The following OSBPL8 variants were observed in gnomAD, a reference collection of about 807,000 sequenced individuals.
The protein encoded by OSBPL8 is oxysterol-binding protein-related protein 8.
A neutral mutation model predicts 125.5 loss-of-function variants in OSBPL8; 59 were observed. That is an observed-to-expected ratio of 0.47 (90% CI 0.38 to 0.58). OSBPL8 has a LOEUF of 0.58. Among genes scored for constraint, OSBPL8 ranks in the 20% least tolerant of loss-of-function variants. OSBPL8 has a pLI of 0.00. For missense variants in OSBPL8, 758 were observed against 1,047.8 expected (o/e 0.72, Z 3.82); for synonymous variants, 330 against 338.9 (o/e 0.97, Z 0.29).
intron 4 of OSBPL8, among the ~76,000 whole-genome samples, chr12:76,439,059 G>A (rs1218297993): frequency 6.6e-6 from 1 of 152,156 alleles, no homozygotes; most frequent in African/African-American, 2.4e-5. Flanking sequence ...ACAGGGGGAG[G>A]TGGAGAGATT....
In OSBPL8 at chr12:76,441,141, ATCAT is replaced by A. The variant is rs202063919; in HGVS notation, c.217+9706_217+9709del. Among the ~76,000 whole-genome samples, 493 of 152,260 alleles carry A rather than the reference ATCAT, an allele frequency of 3.2e-3. 7 individuals carry two copies. Among genetic ancestry groups the A allele is most frequent in the African/African-American group, 0.011 (449 of 41,554 alleles). ...ACTCATGTGGGCAGGAGCTGCGAAA[ATCAT>A]CTTTGCACTTGCTTTCTACTACAGG... On this transcript the variant is annotated intron_variant, in intron 4 of 23. Coordinates refer to ENST00000261183, the MANE Select transcript of OSBPL8 (RefSeq NM_020841.5).
chr12:76,528,830 G>C (rs1370478005), intron 1 of OSBPL8, among the ~76,000 whole-genome samples: 2 of 152,028 alleles, frequency 1.3e-5, no homozygotes, highest in South Asian at 2.1e-4. Flanking sequence ...CTGCAGCCTG[G>C]ACAACAGAGG....
chr12:76,438,811 G>T (rs1238320837), intron 4 of OSBPL8, among the ~76,000 whole-genome samples: 1 of 152,096 alleles, frequency 6.6e-6, no homozygotes, highest in Admixed American at 6.5e-5. Context: ...TGCACTCCTG[G>T]AACAACCCTG....
At chr12:76,504,001 T>C (rs1479208520) in intron 1 of OSBPL8, among the ~76,000 whole-genome samples, 3 of 151,288 alleles carry the variant, frequency 2.0e-5, no homozygotes, top group Non-Finnish European at 4.4e-5. Flanking sequence ...TTTTTTTAGA[T>C]GTGTTTAACA....
At chr12:76,448,919 A>T (rs1412935310) in intron 4 of OSBPL8, among the ~76,000 whole-genome samples, 1 of 152,182 alleles carries the variant, frequency 6.6e-6, no homozygotes, top group African/African-American at 2.4e-5. Flanking sequence ...AGGCTGAGGC[A>T]GGAGAATCGC....
intron 2 of OSBPL8, among the ~76,000 whole-genome samples, chr12:76,477,660 G>A (rs1183275411): frequency 1.3e-5 from 2 of 152,030 alleles, no homozygotes; most frequent in African/African-American, 2.4e-5. Flanking sequence ...AGGACATTAC[G>A]TAAAAACTAA....
chr12:76,513,555 T>C (rs1243202628), intron 1 of OSBPL8, among the ~76,000 whole-genome samples: 1 of 151,974 alleles, frequency 6.6e-6, no homozygotes, highest in Admixed American at 6.6e-5. Flanking sequence ...CGTGCGGGAG[T>C]TTACATCTTT....
At chr12:76,363,354 C>T (rs1463280636) in intron 21 of OSBPL8, among the ~76,000 whole-genome samples, 1 of 152,120 alleles carries the variant, frequency 6.6e-6, no homozygotes, top group Admixed American at 6.5e-5. Flanking sequence ...GAAATAACGC[C>T]ACACATCTAC....
intron 1 of OSBPL8, among the ~76,000 whole-genome samples, chr12:76,527,255 G>A (rs576441977): frequency 6.6e-6 from 1 of 151,750 alleles, no homozygotes; most frequent in African/African-American, 2.4e-5. Flanking sequence ...GGGGTGGGGG[G>A]GGATTGTGCA....
chr12:76,508,126 G>A (rs1319885920), intron 1 of OSBPL8, among the ~76,000 whole-genome samples: 1 of 147,218 alleles, frequency 6.8e-6, no homozygotes, highest in African/African-American at 2.5e-5. Flanking sequence ...AGCCGAGATT[G>A]CGCCATCGCA....
At chr12:76,440,478 T>C (rs1295023072) in intron 4 of OSBPL8, among the ~76,000 whole-genome samples, 5 of 152,206 alleles carry the variant, frequency 3.3e-5, no homozygotes, top group South Asian at 4.1e-4. Context: ...CTAAAGAAGA[T>C]TTGTGTCAGT....
At chr12:76,545,839 GCTAA>G (rs1161337553) in intron 1 of OSBPL8, among the ~76,000 whole-genome samples, 5 of 152,146 alleles carry the variant, frequency 3.3e-5, no homozygotes, top group African/African-American at 4.8e-5. Context: ...AAACTATGGA[GCTAA>G]CTCTTATATT....
At chr12:76,400,987 C>T (rs534990137) in intron 6 of OSBPL8, among the ~76,000 whole-genome samples, 3 of 151,830 alleles carry the variant, frequency 2.0e-5, no homozygotes, top group Non-Finnish European at 4.4e-5. Flanking sequence ...TGGGGTTTCA[C>T]TATGTTGGCC....
intron 5 of OSBPL8, among the ~76,000 whole-genome samples, chr12:76,403,025 AT>A (rs998409106): frequency 2.6e-5 from 4 of 152,198 alleles, no homozygotes; most frequent in African/African-American, 4.8e-5. Context: ...TTTACATTCT[AT>A]TTTTTAAGAG....
At chr12:76,405,110 C>T (rs373154624) in intron 5 of OSBPL8, among the ~76,000 whole-genome samples, 14 of 152,046 alleles carry the variant, frequency 9.2e-5, no homozygotes, top group East Asian at 3.8e-4. Context: ...TAATTTCTTA[C>T]CTTTTAAAAC....
intron 1 of OSBPL8, among the ~76,000 whole-genome samples, chr12:76,497,130 A>G (rs1169796067): frequency 1.3e-5 from 2 of 152,228 alleles, no homozygotes; most frequent in Non-Finnish European, 2.9e-5. Flanking sequence ...ATTTTTATCA[A>G]AATTTTTTTA....
intron 1 of OSBPL8, among the ~76,000 whole-genome samples, chr12:76,492,093 T>C (rs1426267458): frequency 6.6e-6 from 1 of 151,916 alleles, no homozygotes; most frequent in East Asian, 1.9e-4. Context: ...TATTAGAAGA[T>C]AGTAAGTGCT....
Position 76,368,115 on chromosome 12 carries a change from C to T in OSBPL8, c.2328+1099G>A, listed in dbSNP as rs75742234. Among the ~76,000 whole-genome samples, 765 of 152,256 alleles carry T rather than the reference C, an allele frequency of 5.0e-3. 32 individuals are homozygous for T. The East Asian group carries it at 0.11, about 22-fold the overall frequency. ...GTAGGGCAGGTCTAGTGGTAATGAA[C>T]TCCCTCAGCTTTTATCTGGGAATGT... On this transcript the variant is annotated intron_variant, in intron 21 of 23. Coordinates refer to ENST00000261183, the MANE Select transcript of OSBPL8 (RefSeq NM_020841.5).
chr12:76,504,479 G>C (rs908908739), intron 1 of OSBPL8, among the ~76,000 whole-genome samples: 2 of 152,166 alleles, frequency 1.3e-5, no homozygotes, highest in African/African-American at 4.8e-5. Context: ...CATTTCCACA[G>C]TATTTGGAAG....
Sources: allele counts gnomAD v4.1 joint callset (sites outside exome capture counted in the v4.1 genomes callset), GRCh38; gene constraint gnomAD v4.1.1; transcripts MANE v1.5; gene names NCBI Gene and HGNC (gene_info 2026-07-23, HGNC 2026-07-21).